SLCO2B1: variants seen among roughly 807,000 people sequenced by gnomAD.
The protein encoded by SLCO2B1 is OATP-RP2.
SLCO2B1 carries 41 observed loss-of-function variants against 67.3 expected under a neutral mutation model. The ratio of observed to expected loss-of-function variants is 0.61; its 90% CI spans 0.47 to 0.79. SLCO2B1 has a LOEUF of 0.79. Among genes scored for constraint, SLCO2B1 ranks in the 30% least tolerant of loss-of-function variants. The pLI is 0.00. For synonymous variants in SLCO2B1, 379 were observed against 381.4 expected, an observed-to-expected ratio of 0.99 and a Z score of 0.07; for missense variants, 837 against 920.1, an observed-to-expected ratio of 0.91 and a Z score of 1.17.
At chr11:75,181,370 C>T (rs1394073519) in intron 7 of SLCO2B1, among the ~76,000 whole-genome samples, 2 of 32,914 alleles carry the variant, frequency 6.1e-5, no homozygotes, top group Non-Finnish European at 1.2e-4. Flanking sequence ...AAGACTCTGC[C>T]TCAAAAAAAA....
In SLCO2B1 at chr11:75,200,385, A is replaced by G. The variant is rs1482249690; in HGVS notation, c.1761A>G (p.Leu587=). 6.9e-6 allele frequency: 11 copies of G among 1,591,456 alleles called. No homozygotes were observed. The highest frequency in any genetic ancestry group is 9.4e-6 in the Non-Finnish European group (11 of 1,165,486). ...ACACACCCTCCTTCATGCTCATCCT[A>G]AGGTGAAGGTGGGGGTGGGGCAGGG... is the stretch of plus-strand genomic sequence containing the variant. ...LTHTPSFMLI[L]RGVKKEDKTL... The change falls in exon 11 of 14, where the codon CTA becomes CTG. Residue 587 remains leucine (L), a splice_region_variant and synonymous_variant. Coordinates refer to ENST00000289575, the MANE Select transcript of SLCO2B1 (RefSeq NM_007256.5).
At chr11:75,164,419 G>A (rs1400176288) in intron 3 of SLCO2B1, among the ~76,000 whole-genome samples, 2 of 152,146 alleles carry the variant, frequency 1.3e-5, no homozygotes, top group Non-Finnish European at 2.9e-5. Flanking sequence ...GTCCCAGGAA[G>A]GAATCAAAGA....
chr11:75,196,796 G>A, intron 10 of SLCO2B1, 117 bp downstream of exon 10: 1 of 939,558 alleles, frequency 1.1e-6, no homozygotes, highest in Admixed American at 2.8e-5. Context: ...TCGTCTCTCT[G>A]TCTCTCTCTG....
At chr11:75,192,540 A>T (rs1332410726) in intron 8 of SLCO2B1, among the ~76,000 whole-genome samples, 1 of 152,142 alleles carries the variant, frequency 6.6e-6, no homozygotes, top group Middle Eastern at 3.2e-3. Context: ...GCAGGACAGG[A>T]TGGAAAGAAC....
chr11:75,203,215 T>C lies in SLCO2B1; in HGVS notation c.1829-92T>C, dbSNP rs1945211646. On this transcript the variant is annotated intron_variant, in intron 12 of 13. Transcript: ENST00000289575. Reference sequence around the variant, plus strand: ...GGGCCAGACAGCCAAGAGGCCCCAGTAACCCAGAGCCCCTGAGGGGTTGTA... The same window carrying C: ...GGGCCAGACAGCCAAGAGGCCCCAGCAACCCAGAGCCCCTGAGGGGTTGTA... 2.0e-6 allele frequency: 3 copies of C among 1,523,472 alleles called. No homozygotes were observed. The South Asian group carries it at 3.7e-5, about 19-fold the overall frequency. The allele number at this position is 1,523,472 out of a possible 1,614,324, so 94.4% of individuals were successfully genotyped here.
At chr11:75,159,578 C>G (rs1019153068) in intron 1 of SLCO2B1, among the ~76,000 whole-genome samples, 2 of 152,174 alleles carry the variant, frequency 1.3e-5, no homozygotes, top group African/African-American at 4.8e-5. Flanking sequence ...GTCAGGGAGG[C>G]GAAGGTTTGC....
chr11:75,164,651 T>A (rs912355586), intron 3 of SLCO2B1, among the ~76,000 whole-genome samples: 1 of 152,054 alleles, frequency 6.6e-6, no homozygotes, highest in Non-Finnish European at 1.5e-5. Flanking sequence ...AGTCCTTCAG[T>A]CCTTCCCCCG....
At position 75,196,593 on chromosome 11, in the gene SLCO2B1, G is replaced by C; in HGVS notation, c.1513G>C (p.Asp505His). Residue 505 changes from aspartate (D) to histidine (H), a missense_variant, in exon 10 of 14, where the codon GAC (aspartate) becomes CAC (histidine). Physicochemically the swap from Asp to His is moderately conservative, Grantham distance 81. Coordinates refer to ENST00000289575, the MANE Select transcript of SLCO2B1 (RefSeq NM_007256.5). Reference sequence around the variant, plus strand: ...ATTGGACGGCTTTAACCCTGTCTGCGACCCCAGCACTCGTGTGGAATACAT... The same window carrying C: ...ATTGGACGGCTTTAACCCTGTCTGCCACCCCAGCACTCGTGTGGAATACAT... Reference protein sequence around the residue: ...CPLDGFNPVCDPSTRVEYITP... With the variant: ...CPLDGFNPVCHPSTRVEYITP... 1 of 1,614,086 alleles carries C rather than the reference G, an allele frequency of 6.2e-7. No individual in the cohort carries two copies. The highest frequency in any genetic ancestry group is 1.1e-5 in the South Asian group (1 of 91,078).
At chr11:75,175,574 A>T (rs1449203536) in intron 7 of SLCO2B1, among the ~76,000 whole-genome samples, 1 of 152,020 alleles carries the variant, frequency 6.6e-6, no homozygotes, top group African/African-American at 2.4e-5. Context: ...AGTTTGTAAT[A>T]CAAGAATTAT....
intron 6 of SLCO2B1, among the ~76,000 whole-genome samples, chr11:75,170,463 G>C (rs1302661068): frequency 2.0e-5 from 3 of 152,172 alleles, no homozygotes; most frequent in Admixed American, 2.0e-4. Context: ...AGTCCTTGGA[G>C]AGCAGTAGCG....
rs376461725 is a variant in SLCO2B1 at position 75,164,222 on chromosome 11, C to T, written c.285+122C>T. 22 of 1,072,454 alleles carry T rather than the reference C, an allele frequency of 2.1e-5. No individual in the cohort carries two copies. The African/African-American group carries it at 2.9e-4, about 14-fold the overall frequency. The allele number at this position is 1,072,454 out of a possible 1,614,324, so 66.4% of individuals were successfully genotyped here. On this transcript the variant is annotated intron_variant, in intron 3 of 13. Transcript: ENST00000289575. Reference sequence around the variant, plus strand: ...CCCCTCCCAGTGCCCTCAGGCAACCCCTGTCCCAGCGCCTGCCTGAAACCT... The same window carrying T: ...CCCCTCCCAGTGCCCTCAGGCAACCTCTGTCCCAGCGCCTGCCTGAAACCT...
In SLCO2B1 at chr11:75,191,700, C is replaced by T. The variant is rs548151814; in HGVS notation, c.1076-1518C>T. Among the ~76,000 whole-genome samples, 36 of 152,310 alleles carry T rather than the reference C, an allele frequency of 2.4e-4. 1 individual carries two copies. Among genetic ancestry groups the T allele is most frequent in the Admixed American group, 2.3e-3 (35 of 15,312 alleles). On this transcript the variant is annotated intron_variant, in intron 8 of 13. Coordinates refer to ENST00000289575, the MANE Select transcript of SLCO2B1 (RefSeq NM_007256.5). ...ACCTGGCCCAGAGAATCCCCATGGCCCTACCAGCCCAGCCGGGCAAGTGTT... is the reference window on the plus strand; with the variant it reads ...ACCTGGCCCAGAGAATCCCCATGGCTCTACCAGCCCAGCCGGGCAAGTGTT...
intron 8 of SLCO2B1, among the ~76,000 whole-genome samples, chr11:75,192,398 G>A (rs72998556): frequency 0.082 from 12,524 of 152,198 alleles, 1,279 homozygotes; most frequent in African/African-American, 0.24. Context: ...AGATGAGTGA[G>A]AGGTATAGTA....
intron 8 of SLCO2B1, among the ~76,000 whole-genome samples, chr11:75,190,093 C>G (rs1187957279): frequency 5.9e-5 from 9 of 152,232 alleles, no homozygotes. Flanking sequence ...GGCCGGGACT[C>G]CCTAGCCTCA....
At chr11:75,179,381 G>A (rs1421289011) in intron 7 of SLCO2B1, among the ~76,000 whole-genome samples, 3 of 151,522 alleles carry the variant, frequency 2.0e-5, no homozygotes, top group East Asian at 1.9e-4. Flanking sequence ...ACAGGTGCCC[G>A]CCACCATACC....
chr11:75,197,934 G>T (rs1945124790), intron 10 of SLCO2B1, among the ~76,000 whole-genome samples: 1 of 152,180 alleles, frequency 6.6e-6, no homozygotes, highest in Admixed American at 6.5e-5. Flanking sequence ...TGCCTTCTCA[G>T]GCCCCCAGGC....
In SLCO2B1 at chr11:75,204,864, T is replaced by C. The variant is rs934303284; in HGVS notation, c.*284T>C. 1 of 258,084 alleles carries C rather than the reference T, an allele frequency of 3.9e-6. No homozygotes were observed. The highest frequency in any genetic ancestry group is 2.2e-5 in the African/African-American group (1 of 45,048). The allele number at this position is 258,084 out of a possible 1,614,324, so 16.0% of individuals were successfully genotyped here. Reference sequence around the variant, plus strand: ...TGTCCTGGGGCCAGGCTTTCCTGGGTGGAAAGAAGTATACCTTTCCCTGGG... The same window carrying C: ...TGTCCTGGGGCCAGGCTTTCCTGGGCGGAAAGAAGTATACCTTTCCCTGGG... On this transcript the variant is annotated 3_prime_UTR_variant, in exon 14 of 14. Coordinates refer to ENST00000289575, the MANE Select transcript of SLCO2B1 (RefSeq NM_007256.5).
intron 1 of SLCO2B1, among the ~76,000 whole-genome samples, chr11:75,156,565 A>G (rs377684129): frequency 1.4e-3 from 208 of 152,286 alleles, no homozygotes; most frequent in African/African-American, 4.8e-3. Flanking sequence ...TGGATTGCCC[A>G]GCATCTGCTG....
rs765864501 is a variant in SLCO2B1 at position 75,164,065 on chromosome 11, A to C, written c.250A>C (p.Ser84Arg). ...STVEKRFGLS[S>R]QTSGLLASFN... ...AGTGGAGAAGCGCTTCGGCCTCTCC[A>C]GCCAGACGTCGGGGCTGCTGGCCTC... Residue 84 changes from serine (S) to arginine (R), a missense_variant, in exon 3 of 14, where the codon AGC becomes CGC. Transcript: ENST00000289575. The C allele has an allele frequency of 2.5e-6, 4 of 1,608,792 alleles. No individual in the cohort carries two copies. The highest frequency in any genetic ancestry group is 2.5e-6 in the Non-Finnish European group (3 of 1,177,854).
Sources: allele counts gnomAD v4.1 joint callset (sites outside exome capture counted in the v4.1 genomes callset), GRCh38; gene constraint gnomAD v4.1.1; transcripts MANE v1.5; gene names NCBI Gene and HGNC (gene_info 2026-07-23, HGNC 2026-07-21).